Variants in NTM observed in about 807,000 individuals in gnomAD.
NTM encodes the protein IgLON family member 2.
NTM carries 13 observed loss-of-function variants against 42.1 expected under a neutral mutation model. That is an observed-to-expected ratio of 0.31 (90% CI 0.20 to 0.49). NTM has a LOEUF of 0.49. Among genes scored for constraint, NTM ranks in the 20% least tolerant of loss-of-function variants. The pLI is 0.99. For missense variants in NTM, 373 were observed against 452.8 expected, an observed-to-expected ratio of 0.82 and a Z score of 1.60; for synonymous variants, 187 against 179.2, an observed-to-expected ratio of 1.04 and a Z score of -0.35.
At chr11:131,898,514 T>C (rs1188393734) in intron 1 of NTM, among the ~76,000 whole-genome samples, 1 of 152,230 alleles carries the variant, frequency 6.6e-6, no homozygotes, top group Non-Finnish European at 1.5e-5. Context: ...TTGACTCCAA[T>C]TGTGATTCAT....
At chr11:132,054,079 G>T (rs1240887072) in intron 2 of NTM, among the ~76,000 whole-genome samples, 2 of 152,222 alleles carry the variant, frequency 1.3e-5, no homozygotes. Context: ...GCCAGATGTG[G>T]TGACACACGT....
chr11:132,320,744 C>T (rs1479926564), intron 7 of NTM, among the ~76,000 whole-genome samples: 5 of 152,068 alleles, frequency 3.3e-5, no homozygotes, highest in East Asian at 1.9e-4. Context: ...AACAAAAAGA[C>T]AGCAGTAACC....
At chr11:132,027,448 A>C (rs1387303171) in intron 2 of NTM, among the ~76,000 whole-genome samples, 1 of 152,224 alleles carries the variant, frequency 6.6e-6, no homozygotes, top group Non-Finnish European at 1.5e-5. Context: ...AAATTCCCTC[A>C]ACTTTTGATT....
rs1238880969 is a variant in NTM, at chr11:131,878,940, C to T, written c.83-32624C>T. ...CTCCCCGGAGTAACGGCTCTCACTTCCTTGCCACTATGTACGCTGCCAATC... is the reference window on the plus strand; with the variant it reads ...CTCCCCGGAGTAACGGCTCTCACTTTCTTGCCACTATGTACGCTGCCAATC... On this transcript the variant is annotated intron_variant, in intron 1 of 8. Coordinates refer to ENST00000683400, the MANE Select transcript of NTM (RefSeq NM_001352005.2). Among the ~76,000 whole-genome samples the T allele has an allele frequency of 7.9e-5, 12 of 152,190 alleles. No individual in the cohort carries two copies. The South Asian group carries it at 2.5e-3, about 32-fold the overall frequency.
intron 2 of NTM, among the ~76,000 whole-genome samples, chr11:132,019,820 CTTTAT>C (rs1046678046): frequency 1.3e-4 from 20 of 151,060 alleles, no homozygotes; most frequent in Non-Finnish European, 1.5e-4. Flanking sequence ...CAATCTTTGC[CTTTAT>C]TTTATTTTAT....
chr11:132,070,446 C>G (rs1421714699), intron 2 of NTM, among the ~76,000 whole-genome samples: 1 of 136,986 alleles, frequency 7.3e-6, no homozygotes, highest in Admixed American at 7.2e-5. Flanking sequence ...ACACGTCACA[C>G]AGCCAAGTTA....
chr11:132,169,320 C>CTTTTTTTTTTTTTTTTTTTTTTTTTTTT (rs567723794), intron 3 of NTM, among the ~76,000 whole-genome samples: 2 of 32,358 alleles, frequency 6.2e-5, no homozygotes, highest in South Asian at 2.2e-3. Flanking sequence ...AATTTTTTTA[C>CTTTTTTTTTTTTTTTTTTTTTTTTTTTT]TTTTTTTTTT....
At chr11:131,374,298 A>G (rs1941656451) in intron 1 of NTM, among the ~76,000 whole-genome samples, 1 of 152,162 alleles carries the variant, frequency 6.6e-6, no homozygotes, top group Non-Finnish European at 1.5e-5. Flanking sequence ...CCACCCCACC[A>G]ATGGGGATGG....
At chr11:131,455,424 T>C (rs1407072115) in intron 1 of NTM, 1 of 152,242 alleles carries the variant, frequency 6.6e-6, no homozygotes, top group African/African-American at 2.4e-5. Context: ...GCTAAAACCT[T>C]CCTGAGGGCC....
At chr11:132,275,555 C>T (rs1006198618) in intron 4 of NTM, among the ~76,000 whole-genome samples, 5 of 149,992 alleles carry the variant, frequency 3.3e-5, no homozygotes, top group African/African-American at 1.2e-4. Flanking sequence ...TTCGCTTTTC[C>T]ACATATATTG....
At chr11:131,892,865 C>G (rs1430921140) in intron 1 of NTM, among the ~76,000 whole-genome samples, 1 of 152,258 alleles carries the variant, frequency 6.6e-6, no homozygotes, top group African/African-American at 2.4e-5. Flanking sequence ...GCCACCTCAG[C>G]ATTTCAGCTT....
chr11:131,565,071 T>C (rs318946), intron 1 of NTM, among the ~76,000 whole-genome samples: 92,252 of 152,076 alleles, frequency 0.61, 28,300 homozygotes, highest in African/African-American at 0.69. Context: ...TACCTCCCCC[T>C]GCATGAGAAG....
chr11:131,402,025 G>C (rs182855370), intron 1 of NTM, among the ~76,000 whole-genome samples: 12 of 150,970 alleles, frequency 7.9e-5, no homozygotes, highest in Non-Finnish European at 1.8e-4. Flanking sequence ...AGCATGCCCT[G>C]TGAGCAGGGA....
intron 1 of NTM, among the ~76,000 whole-genome samples, chr11:131,445,641 G>A (rs543652989): frequency 2.0e-5 from 3 of 152,280 alleles, no homozygotes; most frequent in African/African-American, 4.8e-5. Context: ...GTGTACTAGT[G>A]TAAGTGACCA....
chr11:132,146,357 G>A lies in NTM; in HGVS notation c.243G>A (p.Lys81=), dbSNP rs753412480. ...RSTILYAGND[K]WCLDPRVVLL... is the part of the protein sequence containing the mutation. ...CCATCCTCTATGCTGGGAATGACAAGTGGTGCCTGGATCCTCGCGTGGTCC... is the reference window on the plus strand; with the variant it reads ...CCATCCTCTATGCTGGGAATGACAAATGGTGCCTGGATCCTCGCGTGGTCC... Residue 81 remains lysine (K), a synonymous_variant, in exon 3 of 9, where the codon AAG becomes AAA. Coordinates refer to ENST00000683400, the MANE Select transcript of NTM (RefSeq NM_001352005.2). This position sits in a 1 kb window ranked among gnomAD's most constrained non-coding sequence, Gnocchi z 4.5. 1.9e-6 allele frequency: 3 copies of A among 1,614,234 alleles called. No individual in the cohort carries two copies. The highest frequency in any genetic ancestry group is 1.7e-5 in the Admixed American group (1 of 60,028).
intron 1 of NTM, among the ~76,000 whole-genome samples, chr11:131,878,614 T>A (rs1402047571): frequency 0.12 from 1,532 of 12,596 alleles, 419 homozygotes; most frequent in East Asian, 0.5. Flanking sequence ...TATATATATA[T>A]ATATATATAT....
intron 2 of NTM, among the ~76,000 whole-genome samples, chr11:132,011,269 ACT>A (rs1437374921): frequency 1.3e-5 from 2 of 152,174 alleles, no homozygotes; most frequent in African/African-American, 4.8e-5. Flanking sequence ...ACAACAGTTT[ACT>A]GCACTGTTTC....
intron 2 of NTM, among the ~76,000 whole-genome samples, chr11:132,040,697 A>T (rs2077067414): frequency 1.3e-5 from 2 of 152,224 alleles, no homozygotes; most frequent in African/African-American, 4.8e-5. Flanking sequence ...ACTTATAGCC[A>T]TTAAAATGTG....
At chr11:131,789,600 A>G (rs1371192837) in intron 1 of NTM, among the ~76,000 whole-genome samples, 2 of 81,954 alleles carry the variant, frequency 2.4e-5, no homozygotes, top group African/African-American at 5.8e-5. Flanking sequence ...AAGAAGAAGA[A>G]GAAGAAGAAG....
Sources: allele counts gnomAD v4.1 joint callset (sites outside exome capture counted in the v4.1 genomes callset), GRCh38; gene constraint gnomAD v4.1.1; non-coding constraint Gnocchi (gnomAD v3.1); transcripts MANE v1.5; gene names NCBI Gene and HGNC (gene_info 2026-07-23, HGNC 2026-07-21).